The following FGD6 variants were observed in gnomAD, a reference collection of about 807,000 sequenced individuals.
The protein encoded by FGD6 is FYVE, RhoGEF and PH domain-containing protein 6.
Under a neutral mutation model 149.4 loss-of-function variants are expected in FGD6, and 90 were observed. The observed-to-expected ratio is 0.60, with a 90% CI of 0.51 to 0.72. The LOEUF (loss-of-function observed/expected upper bound fraction) is 0.72. Ranked by LOEUF, FGD6 falls within the 30% of genes least tolerant of loss-of-function variation. FGD6 has a pLI of 0.00. For missense variants in FGD6, 1,437 were observed against 1,684.8 expected, an observed-to-expected ratio of 0.85 and a Z score of 2.57; for synonymous variants, 527 against 584.0, an observed-to-expected ratio of 0.90 and a Z score of 1.41.
At chr12:95,175,799 C>T (rs79973640) in intron 2 of FGD6, among the ~76,000 whole-genome samples, 1 of 38,910 alleles carries the variant, frequency 2.6e-5, no homozygotes, top group Non-Finnish European at 5.0e-5. Flanking sequence ...GACTCTGTCT[C>T]AAAAAAAAAA....
chr12:95,209,998 G>C lies in FGD6; in HGVS notation c.1286C>G (p.Thr429Arg), dbSNP rs774531387. Reference sequence around the variant, plus strand: ...CGACATACTAGAACCATCTACAGTTGTGCTGTCAGAACTCAAATTAGAGTC... The same window carrying C: ...CGACATACTAGAACCATCTACAGTTCTGCTGTCAGAACTCAAATTAGAGTC... The part of the protein sequence containing the change: ...DKDSNLSSDS[T>R]TVDGSSMSLA... Residue 429 changes from threonine to arginine, a missense_variant, in exon 2 of 21, where the codon ACA (threonine) becomes AGA (arginine). By Grantham distance (71) the Thr-to-Arg change is moderately conservative. Transcript: ENST00000343958. 1.2e-6 allele frequency: 2 copies of C among 1,613,290 alleles called. No individual in the cohort carries two copies. Among genetic ancestry groups the C allele is most frequent in the African/African-American group, 2.7e-5 (2 of 74,830 alleles).
chr12:95,206,701 A>G (rs76631765), intron 2 of FGD6, among the ~76,000 whole-genome samples: 15,126 of 147,050 alleles, frequency 0.1, 888 homozygotes, highest in African/African-American at 0.16. Context: ...CTCCAAAGAA[A>G]AAAAAAAAAA....
At chr12:95,182,973 A>G (rs1592866890) in intron 2 of FGD6, among the ~76,000 whole-genome samples, 1 of 152,230 alleles carries the variant, frequency 6.6e-6, no homozygotes, top group African/African-American at 2.4e-5. Flanking sequence ...CATAATCCTA[A>G]CAGCCACTGA....
At chr12:95,153,255 G>T (rs1880363426) in intron 3 of FGD6, among the ~76,000 whole-genome samples, 1 of 152,218 alleles carries the variant, frequency 6.6e-6, no homozygotes, top group Admixed American at 6.5e-5. Flanking sequence ...GAACCTTGCT[G>T]GGATGCAACC....
chr12:95,149,682 C>T lies in FGD6; in HGVS notation c.2685+3129G>A, dbSNP rs982100711. 3.5e-5 allele frequency among the ~76,000 whole-genome samples: 5 copies of T among 143,930 alleles called. No homozygotes were observed. In the South Asian group the frequency reaches 1.1e-3, roughly 31 times the overall value. 94.4% of individuals were successfully genotyped at this position (143,930 alleles called of 152,430 possible). A position where few individuals can be genotyped will look rare whatever the true frequency, so the allele number is the denominator to read the frequency against. The stretch of plus-strand genomic sequence containing the variant: ...AAAAAAAAAGGACAATATTTTGTCA[C>T]CCTAACAAATTTGTTGAGTGTCAAG... On this transcript the variant is annotated intron_variant, in intron 5 of 20. Coordinates refer to ENST00000343958, the MANE Select transcript of FGD6 (RefSeq NM_018351.4).
rs1265956287 is a variant in FGD6 at position 95,208,786 on chromosome 12, G to T, written c.2441+57C>A. The T allele has an allele frequency of 1.1e-5, 17 of 1,538,534 alleles. No homozygotes were observed. In the African/African-American group the frequency reaches 1.4e-4, roughly 12 times the overall value. On this transcript the variant is annotated intron_variant, in intron 2 of 20. Transcript: ENST00000343958. ...TCCCCCTGCATTCCTAACTCACCAG[G>T]CTGTTGAAGGTTAATTGCAATGATG...
Position 95,217,338 on chromosome 12 carries a change from C to T in FGD6, c.-98G>A. ...AGTTCGGGTAGGAGAGAAAAGCCCC[C>T]GCAGCGCCCACATTCCGTCCCGCCG... is the stretch of plus-strand genomic sequence containing the variant. On this transcript the variant is annotated 5_prime_UTR_variant, in exon 1 of 21. Coordinates refer to ENST00000343958, the MANE Select transcript of FGD6 (RefSeq NM_018351.4). 7.0e-7 allele frequency: 1 copy of T among 1,438,664 alleles called. No homozygotes were observed. Among genetic ancestry groups the T allele is most frequent in the Non-Finnish European group, 9.2e-7 (1 of 1,081,160 alleles). 89.1% of individuals were successfully genotyped at this position (1,438,664 alleles called of 1,614,324 possible). A position where few individuals can be genotyped will look rare whatever the true frequency, so the allele number is the denominator to read the frequency against.
In FGD6 at chr12:95,217,260, C is replaced by A; in HGVS notation, c.-20G>T. 5.0e-6 allele frequency: 8 copies of A among 1,604,856 alleles called. No homozygotes were observed. The highest frequency in any genetic ancestry group is 6.8e-6 in the Non-Finnish European group (8 of 1,173,672). ...AGTCATGATTCCCCGGTGCAGCTCG[C>A]TTCCCCGCTCGGCCCCTCAATCCAT... On this transcript the variant is annotated 5_prime_UTR_variant, in exon 1 of 21. Coordinates refer to ENST00000343958, the MANE Select transcript of FGD6 (RefSeq NM_018351.4).
At chr12:95,095,804 AG>A (rs1358216384) in intron 14 of FGD6, among the ~76,000 whole-genome samples, 14 of 152,144 alleles carry the variant, frequency 9.2e-5, no homozygotes, top group African/African-American at 3.4e-4. Context: ...ATTTGAGCTC[AG>A]GAGTTCGAGA....
intron 2 of FGD6, among the ~76,000 whole-genome samples, chr12:95,184,070 G>C (rs1881357593): frequency 1.3e-5 from 2 of 152,120 alleles, no homozygotes; most frequent in South Asian, 4.1e-4. Context: ...ACATGTTCCA[G>C]AAATGTGGCA....
At chr12:95,132,481 C>G (rs948222328) in intron 8 of FGD6, among the ~76,000 whole-genome samples, 1 of 152,064 alleles carries the variant, frequency 6.6e-6, no homozygotes, top group Admixed American at 6.6e-5. Context: ...GGCCGGGCAC[C>G]GTGGCTCATG....
chr12:95,148,508 CATATATTATATTATATATTAT>C (rs1880081746), intron 5 of FGD6, among the ~76,000 whole-genome samples: 1 of 115,828 alleles, frequency 8.6e-6, no homozygotes, highest in African/African-American at 3.1e-5. Context: ...TAATATATAG[CATATATTATATTATATATTAT>C]ATAATATATA....
chr12:95,112,014 G>A (rs1014784193), intron 9 of FGD6, among the ~76,000 whole-genome samples: 7 of 151,802 alleles, frequency 4.6e-5, no homozygotes, highest in Non-Finnish European at 8.8e-5. Context: ...CAGGTGGATC[G>A]CTTGAGCTCA....
chr12:95,122,121 A>G (rs975756619), intron 8 of FGD6, among the ~76,000 whole-genome samples: 2 of 152,200 alleles, frequency 1.3e-5, no homozygotes, highest in African/African-American at 4.8e-5. Context: ...TTATTTAACA[A>G]TGTACATATC....
chr12:95,148,077 T>C (rs1046472782), intron 5 of FGD6, among the ~76,000 whole-genome samples: 41 of 152,040 alleles, frequency 2.7e-4, no homozygotes, highest in African/African-American at 9.4e-4. Flanking sequence ...AGAACAGTTC[T>C]CACATGAAAG....
At chr12:95,195,977 G>T (rs1168061380) in intron 2 of FGD6, among the ~76,000 whole-genome samples, 1 of 151,856 alleles carries the variant, frequency 6.6e-6, no homozygotes, top group African/African-American at 2.4e-5. Context: ...TAAAAATTAG[G>T]CAGGTGTGGT....
At chr12:95,166,454 A>G (rs1172037021) in intron 3 of FGD6, among the ~76,000 whole-genome samples, 1 of 152,162 alleles carries the variant, frequency 6.6e-6, no homozygotes, top group Non-Finnish European at 1.5e-5. Flanking sequence ...CATGCCTATA[A>G]TCCCAACACT....
intron 3 of FGD6, among the ~76,000 whole-genome samples, chr12:95,171,495 G>C (rs117455401): frequency 0.026 from 3,932 of 152,222 alleles, 109 homozygotes; most frequent in Middle Eastern, 0.082. Flanking sequence ...CCAAACTAGA[G>C]AGACATTATA....
intron 5 of FGD6, among the ~76,000 whole-genome samples, chr12:95,150,880 T>A (rs1880290403): frequency 6.6e-6 from 1 of 151,926 alleles, no homozygotes; most frequent in South Asian, 2.1e-4. Context: ...GTGGGCAGAT[T>A]GCTCAGGAGT....
Sources: gnomAD v4.1 joint callset for allele counts (sites outside exome capture counted in the v4.1 genomes callset) on GRCh38, gnomAD v4.1.1 for gene constraint, MANE v1.5 for transcripts, NCBI Gene and HGNC (gene_info 2026-07-23, HGNC 2026-07-21) for gene names.